The following OTUD4 variants were observed in gnomAD, a reference collection of about 807,000 sequenced individuals.
The protein encoded by OTUD4 is OTU domain-containing protein 4.
A neutral mutation model predicts 130.4 loss-of-function variants in OTUD4; 24 were observed. The observed-to-expected ratio is 0.18, with a 90% CI of 0.13 to 0.26. The LOEUF is 0.26. OTUD4 is among the 10% of genes least tolerant of loss of function. The probability of loss-of-function intolerance (pLI) is 1.00; values close to 1 mark genes in which losing one functional copy is unlikely to be tolerated. For missense variants in OTUD4, 1,031 were observed against 1,329.4 expected (o/e 0.78, Z 3.49); for synonymous variants, 420 against 472.5 (o/e 0.89, Z 1.44).
intron 3 of OTUD4, among the ~76,000 whole-genome samples, chr4:145,166,424 T>C (rs1751877810): frequency 6.6e-6 from 1 of 152,064 alleles, no homozygotes; most frequent in South Asian, 2.1e-4. Flanking sequence ...TCTATACGTC[T>C]ATCATAAAGA....
intron 15 of OTUD4, 82 bp downstream of exon 15, chr4:145,144,229 G>C (rs914512751): frequency 3.5e-6 from 5 of 1,444,776 alleles, no homozygotes; most frequent in South Asian, 1.3e-5. Context: ...ACTTAAAAAG[G>C]GTTCTTTCCC....
intron 3 of OTUD4, 149 bp from the exon 4 acceptor site, chr4:145,165,346 A>G: frequency 1.9e-6 from 1 of 528,630 alleles, no homozygotes; most frequent in Non-Finnish European, 3.4e-6. Context: ...AAAAACGTTT[A>G]TATAAAACAG....
At chr4:145,161,261 T>G (rs1288193578) in intron 6 of OTUD4, among the ~76,000 whole-genome samples, 2 of 152,134 alleles carry the variant, frequency 1.3e-5, no homozygotes, top group Non-Finnish European at 2.9e-5. Context: ...CCACAGGCAC[T>G]TAGAATCACA....
intron 1 of OTUD4, among the ~76,000 whole-genome samples, chr4:145,175,465 A>C (rs746139634): frequency 1.3e-5 from 2 of 152,216 alleles, no homozygotes; most frequent in African/African-American, 2.4e-5. Context: ...TTCTTCTATT[A>C]AACAACCAGT....
At chr4:145,143,838 C>T (rs1750696704) in intron 16 of OTUD4, 108 bp downstream of exon 16, 1 of 773,654 alleles carries the variant, frequency 1.3e-6, no homozygotes, top group South Asian at 1.7e-5. Context: ...TTTCCTAATA[C>T]ACAGCTATAA....
intron 4 of OTUD4, among the ~76,000 whole-genome samples, chr4:145,164,594 A>C (rs1187831256): frequency 6.6e-6 from 1 of 152,148 alleles, no homozygotes; most frequent in Non-Finnish European, 1.5e-5. Flanking sequence ...GAGCATCCCA[A>C]ATCTAAAAAG....
intron 3 of OTUD4, among the ~76,000 whole-genome samples, chr4:145,170,097 T>C (rs911434448): frequency 6.6e-5 from 10 of 152,222 alleles, no homozygotes; most frequent in Non-Finnish European, 7.3e-5. Flanking sequence ...AAAAACCTTA[T>C]ATGGTTTCCC....
intron 4 of OTUD4, 89 bp downstream of exon 4, chr4:145,165,062 G>C (rs530309860): frequency 1.2e-5 from 8 of 678,832 alleles, no homozygotes; most frequent in Admixed American, 2.8e-5. Context: ...AAGTATAAAA[G>C]AGCTTTGCTA....
intron 11 of OTUD4, among the ~76,000 whole-genome samples, chr4:145,152,223 T>C (rs903518177): frequency 1.3e-5 from 2 of 152,086 alleles, no homozygotes; most frequent in African/African-American, 4.8e-5. Flanking sequence ...GCGATTCTCC[T>C]CCCTCAGCCT....
chr4:145,163,339 T>TTAG (rs1406103554), intron 5 of OTUD4, among the ~76,000 whole-genome samples: 1 of 152,216 alleles, frequency 6.6e-6, no homozygotes, highest in Non-Finnish European at 1.5e-5. Context: ...AAATAGCTAC[T>TTAG]TAAGACAAAA....
chr4:145,139,070 C>G (rs1459538319), intron 20 of OTUD4, among the ~76,000 whole-genome samples: 1 of 152,004 alleles, frequency 6.6e-6, no homozygotes, highest in African/African-American at 2.4e-5. Context: ...TTCTAGGAGC[C>G]CCCAAGAGTA....
At chr4:145,142,083 G>C (rs1373874511) in intron 18 of OTUD4, 113 bp downstream of exon 18, 1 of 865,860 alleles carries the variant, frequency 1.2e-6, no homozygotes, top group Non-Finnish European at 1.9e-6. Flanking sequence ...AGAAAGCTCT[G>C]TGAGGCTCCA....
chr4:145,142,104 C>A lies in OTUD4; in HGVS notation c.1822+92G>T, dbSNP rs147882068. The A allele has an allele frequency of 1.6e-4, 175 of 1,116,988 alleles. No homozygotes were observed. In the East Asian group the frequency reaches 3.0e-3, roughly 19 times the overall value. 69.2% of individuals were successfully genotyped at this position (1,116,988 alleles called of 1,614,324 possible). On this transcript the variant is annotated intron_variant, in intron 18 of 20. Transcript: ENST00000447906. ...CTCTGTGAGGCTCCACACACCTAAT[C>A]CTGCTCAGAGGTCAAACTTCCACTC...
intron 7 of OTUD4, among the ~76,000 whole-genome samples, chr4:145,158,762 C>T (rs963651764): frequency 1.3e-5 from 2 of 152,044 alleles, no homozygotes; most frequent in African/African-American, 4.8e-5. Context: ...TACTGGATAC[C>T]GTATCTAGGA....
chr4:145,168,591 G>C lies in OTUD4; in HGVS notation c.294+3079C>G, dbSNP rs570777334. Among the ~76,000 whole-genome samples, 11 of 152,106 alleles carry C rather than the reference G, an allele frequency of 7.2e-5. No individual in the cohort carries two copies. The East Asian group carries it at 1.9e-3, about 27-fold the overall frequency. On this transcript the variant is annotated intron_variant, in intron 3 of 20. Transcript: ENST00000447906. ...AACAGACATTTCACCAACAAAATTA[G>C]ATAGATGACAAATAAGCACATGAAA...
chr4:145,139,434 T>C (rs189932083), intron 20 of OTUD4, among the ~76,000 whole-genome samples: 16 of 152,288 alleles, frequency 1.1e-4, no homozygotes, highest in African/African-American at 3.8e-4. Context: ...TATTTCTAGG[T>C]TGACCACTTC....
intron 19 of OTUD4, 48 bp from the exon 20 acceptor site, chr4:145,140,039 T>G (rs1209669141): frequency 3.3e-6 from 2 of 598,482 alleles, no homozygotes; most frequent in Admixed American, 3.4e-5. Context: ...CTGCAGAGAT[T>G]TTTTTAAATC....
chr4:145,166,551 C>T (rs1345617615), intron 3 of OTUD4, among the ~76,000 whole-genome samples: 1 of 151,198 alleles, frequency 6.6e-6, no homozygotes, highest in South Asian at 2.1e-4. Context: ...TAAAATAATT[C>T]ATGTTTCAGG....
rs1750370684 is a variant in OTUD4 at position 145,138,057 on chromosome 4, A to C, written c.2718T>G (p.Val906=). 6 of 1,614,048 alleles carry C rather than the reference A, an allele frequency of 3.7e-6. No individual in the cohort carries two copies. The South Asian group carries it at 6.6e-5, about 18-fold the overall frequency. Residue 906 remains valine, a synonymous_variant, in exon 21 of 21, where the codon GTT becomes GTG. Coordinates refer to ENST00000447906, the MANE Select transcript of OTUD4 (RefSeq NM_001366057.1). ...CTTCTGGAAACTCATCTACTGTTGAAACTGAACCACAATCTTTAGACAGAT... is the reference window on the plus strand; with the variant it reads ...CTTCTGGAAACTCATCTACTGTTGACACTGAACCACAATCTTTAGACAGAT... ...NLDLSKDCGS[V]STVDEFPEAR...
Sources: gnomAD v4.1 joint callset for allele counts (sites outside exome capture counted in the v4.1 genomes callset) on GRCh38, gnomAD v4.1.1 for gene constraint, MANE v1.5 for transcripts, NCBI Gene and HGNC (gene_info 2026-07-23, HGNC 2026-07-21) for gene names.